SIN3B: variants seen among roughly 807,000 people sequenced by gnomAD.
SIN3B encodes SIN3 transcription regulator family member B, also known as paired amphipathic helix protein Sin3b.
In SIN3B, 19 loss-of-function variants were observed where a neutral mutation model predicts 120.2. The observed-to-expected ratio is 0.16, with a 90% CI of 0.11 to 0.23. The LOEUF (loss-of-function observed/expected upper bound fraction) is 0.23, where lower values mean the gene tolerates loss of function less well. Among genes scored for constraint, SIN3B ranks in the 10% least tolerant of loss-of-function variants. SIN3B has a pLI of 1.00. For missense variants in SIN3B, 1,073 were observed against 1,573.0 expected (o/e 0.68, Z 5.38); for synonymous variants, 654 against 653.2 (o/e 1.00, Z -0.02).
intron 3 of SIN3B, among the ~76,000 whole-genome samples, chr19:16,833,815 C>G (rs930788314): frequency 6.6e-6 from 1 of 151,372 alleles, no homozygotes; most frequent in African/African-American, 2.4e-5. Flanking sequence ...CCTCCACCTC[C>G]TGGGTTCAAG....
chr19:16,863,046 C>A, intron 9 of SIN3B: 2 of 1,181,672 alleles, frequency 1.7e-6, no homozygotes, highest in Non-Finnish European at 1.3e-6. Context: ...TTTACTGTCA[C>A]ACAGACACAA....
Position 16,851,553 on chromosome 19 carries a change from C to A in SIN3B, c.849+19C>A. On this transcript the variant is annotated intron_variant, in intron 6 of 18. Coordinates refer to ENST00000248054, the MANE Select transcript of SIN3B (RefSeq NM_001297595.2). ...CGCCAAGGTACCTGTGAGCCACATG[C>A]AGCCATGCCTGCACGCGGGGCCCCC... 2 of 1,574,472 alleles carry A rather than the reference C, an allele frequency of 1.3e-6. No homozygotes were observed.
intron 5 of SIN3B, 97 bp from the exon 6 acceptor site, chr19:16,851,315 A>ACAGC: frequency 7.0e-7 from 1 of 1,433,066 alleles, no homozygotes; most frequent in Non-Finnish European, 9.2e-7. Context: ...ACCATTGCCC[A>ACAGC]CCGGGCTGTG....
At chr19:16,837,950 G>A (rs1427988826) in intron 3 of SIN3B, among the ~76,000 whole-genome samples, 1 of 152,012 alleles carries the variant, frequency 6.6e-6, no homozygotes, top group African/African-American at 2.4e-5. Flanking sequence ...GGCTGTGTGT[G>A]GATGCTCAGA....
chr19:16,832,421 C>T (rs1809582082), intron 3 of SIN3B, among the ~76,000 whole-genome samples: 2 of 151,572 alleles, frequency 1.3e-5, no homozygotes, highest in East Asian at 1.9e-4. Flanking sequence ...TGTTCTTGAG[C>T]TCCTGACCTC....
chr19:16,839,815 G>A (rs962249345), intron 3 of SIN3B, among the ~76,000 whole-genome samples: 8 of 152,096 alleles, frequency 5.3e-5, no homozygotes, highest in Non-Finnish European at 8.8e-5. Flanking sequence ...GAGGTCAAGC[G>A]AGACCAGCCT....
intron 3 of SIN3B, among the ~76,000 whole-genome samples, chr19:16,836,197 C>T (rs1971347023): frequency 6.6e-6 from 1 of 152,212 alleles, no homozygotes; most frequent in African/African-American, 2.4e-5. Flanking sequence ...CTGGCCTCCA[C>T]CCACCAGATG....
rs1363468693 is a variant in SIN3B at position 16,877,614 on chromosome 19, C to G, written c.2929C>G (p.Leu977Val). Residue 977 changes from leucine (L) to valine (V), a missense_variant, in exon 17 of 19, where the codon CTC becomes GTC. Around this residue, in one of 7 missense-constraint regions of SIN3B, gnomAD observed 311 missense variants for 400.3 expected, o/e 0.78. Transcript: ENST00000248054. ...GASSSPTEGF[L>V]LKPVFLQRNL... ...GTCCAGCTCGCCCACTGAGGGCTTC[C>G]TCCTGAAACCTGTGTTCCTGCAGAG... The G allele has an allele frequency of 6.2e-7, 1 of 1,611,576 alleles. No homozygotes were observed. The highest frequency in any genetic ancestry group is 8.5e-7 in the Non-Finnish European group (1 of 1,179,224).
chr19:16,868,687 G>C (rs1221423511), intron 12 of SIN3B, among the ~76,000 whole-genome samples: 2 of 152,200 alleles, frequency 1.3e-5, no homozygotes, highest in Non-Finnish European at 2.9e-5. Context: ...TCAGGGGCCG[G>C]CGTCTTCTGA....
chr19:16,876,658 C>A lies in SIN3B; in HGVS notation c.2859+80C>A. The A allele has an allele frequency of 9.4e-7, 1 of 1,067,018 alleles. No homozygotes were observed. The highest frequency in any genetic ancestry group is 1.4e-5 in the South Asian group (1 of 71,140). The allele number at this position is 1,067,018 out of a possible 1,614,324, so 66.1% of individuals were successfully genotyped here. A position where few individuals can be genotyped will look rare whatever the true frequency, so the allele number is the denominator to read the frequency against. On this transcript the variant is annotated intron_variant, in intron 16 of 18. Coordinates refer to ENST00000248054, the MANE Select transcript of SIN3B (RefSeq NM_001297595.2). This position sits in a 1 kb window ranked among gnomAD's most constrained non-coding sequence, Gnocchi z 7.1. ...CAGCATGGGGCTCCCACCAGCCAAG[C>A]GCAGGCCGCGCAGCATCCAGAGACC...
chr19:16,853,045 A>G (rs1415718928), intron 6 of SIN3B, 24 bp from the exon 7 acceptor site: 1 of 1,606,128 alleles, frequency 6.2e-7, no homozygotes, highest in East Asian at 2.2e-5. Flanking sequence ...CACAGTGTTA[A>G]CTGCATAGAA....
At chr19:16,860,171 G>C (rs1224999019) in intron 8 of SIN3B, among the ~76,000 whole-genome samples, 1 of 152,200 alleles carries the variant, frequency 6.6e-6, no homozygotes, top group Non-Finnish European at 1.5e-5. Flanking sequence ...CTCTGCGTGT[G>C]CTTGACACGA....
chr19:16,842,078 A>G, intron 4 of SIN3B, 110 bp downstream of exon 4: 2 of 990,168 alleles, frequency 2.0e-6, no homozygotes, highest in Non-Finnish European at 3.0e-6. Flanking sequence ...TAAAATTCTA[A>G]TTAGTTGTGG....
In SIN3B at chr19:16,853,140, A is replaced by C; in HGVS notation, c.921A>C (p.Glu307Asp). Residue 307 changes from glutamate (E) to aspartate (D), a missense_variant, in exon 7 of 19, where the codon GAA (glutamate) becomes GAC (aspartate). Coordinates refer to ENST00000248054, the MANE Select transcript of SIN3B (RefSeq NM_001297595.2). ...AAVGKYGTLQ[E>D]FSFFDKVRRV... ...TGGGGAAGTACGGGACTCTGCAGGA[A>C]TTTTCTTTCTTTGACAAGGTGAGGG... 1 of 1,614,052 alleles carries C rather than the reference A, an allele frequency of 6.2e-7. No individual in the cohort carries two copies. Among genetic ancestry groups the C allele is most frequent in the Non-Finnish European group, 8.5e-7 (1 of 1,179,948 alleles).
chr19:16,875,339 T>TTGGTC (rs1220505837), intron 14 of SIN3B, among the ~76,000 whole-genome samples: 1 of 140,920 alleles, frequency 7.1e-6, no homozygotes, highest in Non-Finnish European at 1.5e-5. Flanking sequence ...CTGGTCTGGT[T>TTGGTC]TGGTCTGGTC....
In SIN3B at chr19:16,876,318, G is replaced by T; in HGVS notation, c.2766+90G>T. 6.8e-7 allele frequency: 1 copy of T among 1,474,102 alleles called. No homozygotes were observed. Among genetic ancestry groups the T allele is most frequent in the Non-Finnish European group, 9.2e-7 (1 of 1,088,126 alleles). The allele number at this position is 1,474,102 out of a possible 1,614,324, so 91.3% of individuals were successfully genotyped here. On this transcript the variant is annotated intron_variant, in intron 15 of 18. Coordinates refer to ENST00000248054, the MANE Select transcript of SIN3B (RefSeq NM_001297595.2). This position sits in a 1 kb window ranked among gnomAD's most constrained non-coding sequence, Gnocchi z 7.1. Reference sequence around the variant, plus strand: ...AGTCCTGGGTGGACCCTGGTTCAGCGGCTGGGACACCGGCCCTGCTGCAGA... The same window carrying T: ...AGTCCTGGGTGGACCCTGGTTCAGCTGCTGGGACACCGGCCCTGCTGCAGA...
rs531647315 is a variant in SIN3B at position 16,831,780 on chromosome 19, A to G, written c.381+133A>G. The G allele has an allele frequency of 1.2e-5, 9 of 725,772 alleles. No homozygotes were observed. The East Asian group carries it at 2.1e-4, about 17-fold the overall frequency. The allele number at this position is 725,772 out of a possible 1,614,324, so 45.0% of individuals were successfully genotyped here. ...ATCTGTTCTTTTTCTAGACGTGCTC[A>G]TTGCTTCTAGCACAAATCAAAATAG... On this transcript the variant is annotated intron_variant, in intron 3 of 18. Transcript: ENST00000248054.
chr19:16,875,259 CTGGTT>C (rs1218338055), intron 14 of SIN3B, among the ~76,000 whole-genome samples: 3 of 118,210 alleles, frequency 2.5e-5, no homozygotes, highest in African/African-American at 1.0e-4. Context: ...CTGGTCTGGT[CTGGTT>C]TTGGTCTGGT....
At chr19:16,837,955 C>G (rs1193105600) in intron 3 of SIN3B, among the ~76,000 whole-genome samples, 1 of 151,934 alleles carries the variant, frequency 6.6e-6, no homozygotes, top group Non-Finnish European at 1.5e-5. Flanking sequence ...TGTGTGGATG[C>G]TCAGATGGAC....
Sources: allele counts gnomAD v4.1 joint callset (sites outside exome capture counted in the v4.1 genomes callset), GRCh38; gene constraint gnomAD v4.1.1; regional missense constraint gnomAD v4.1.1; non-coding constraint Gnocchi (gnomAD v3.1); transcripts MANE v1.5; gene names NCBI Gene and HGNC (gene_info 2026-07-23, HGNC 2026-07-21).